Variants in OTOP1 observed in about 807,000 individuals in gnomAD.
OTOP1 encodes proton channel OTOP1.
A neutral mutation model predicts 52.9 loss-of-function variants in OTOP1; 59 were observed. The observed-to-expected ratio is 1.12, with a 90% CI of 0.91 to 1.39. The LOEUF is 1.39. OTOP1 is among the 40% of genes most tolerant of loss of function. The pLI is 0.00. For missense variants in OTOP1, 761 were observed against 800.9 expected (o/e 0.95, Z 0.60); for synonymous variants, 317 against 337.7 (o/e 0.94, Z 0.67).
Position 4,226,457 on chromosome 4 carries a change from C to G in OTOP1, c.403+5G>C. On this transcript the variant is annotated splice_donor_5th_base_variant and intron_variant, in intron 1 of 5. Transcript: ENST00000296358. ...GAGACCCGCTCGCCCGGCGCCTGGA[C>G]TCACCGCGCAGCCAGCCGGCACCCG... The G allele has an allele frequency of 1.4e-6, 2 of 1,476,280 alleles. No individual in the cohort carries two copies. Among genetic ancestry groups the G allele is most frequent in the Non-Finnish European group, 1.8e-6 (2 of 1,120,038 alleles). 91.4% of individuals were successfully genotyped at this position (1,476,280 alleles called of 1,614,324 possible).
chr4:4,193,300 G>A (rs912878044), intron 5 of OTOP1, among the ~76,000 whole-genome samples: 2 of 152,050 alleles, frequency 1.3e-5, no homozygotes, highest in African/African-American at 4.8e-5. Flanking sequence ...CCATTCCTTA[G>A]AAGAGGACTT....
At chr4:4,191,612 C>T (rs186354231) in intron 5 of OTOP1, among the ~76,000 whole-genome samples, 194 of 152,324 alleles carry the variant, frequency 1.3e-3, no homozygotes, top group Non-Finnish European at 1.6e-4. Flanking sequence ...GCGTGGCCAG[C>T]CCCTCCTTGT....
chr4:4,215,443 C>A (rs1717120479), intron 1 of OTOP1, among the ~76,000 whole-genome samples: 1 of 152,084 alleles, frequency 6.6e-6, no homozygotes, highest in Non-Finnish European at 1.5e-5. Flanking sequence ...GGGTGGATCA[C>A]CTGAGGTTGG....
chr4:4,200,390 G>C (rs1484045217), intron 4 of OTOP1, among the ~76,000 whole-genome samples: 1 of 151,322 alleles, frequency 6.6e-6, no homozygotes, highest in African/African-American at 2.4e-5. Flanking sequence ...CAGGAGAATA[G>C]TGTGACTCCC....
intron 4 of OTOP1, 89 bp downstream of exon 4, chr4:4,202,359 T>C: frequency 6.3e-7 from 1 of 1,577,942 alleles, no homozygotes; most frequent in Admixed American, 1.7e-5. Context: ...CTTTGGAACC[T>C]GCACTCCATC....
In OTOP1 at chr4:4,222,560, GT is replaced by G. The variant is rs531601214; in HGVS notation, c.403+3901del. On this transcript the variant is annotated intron_variant, in intron 1 of 5. Coordinates refer to ENST00000296358, the MANE Select transcript of OTOP1 (RefSeq NM_177998.3). Reference sequence around the variant, plus strand: ...TTGGCAGCCACATTCGCTTGTTTGTGTTGAAATCATGACACTATGTCTATAT... The same window carrying G: ...TTGGCAGCCACATTCGCTTGTTTGTGTGAAATCATGACACTATGTCTATAT... Among the ~76,000 whole-genome samples, 3 of 152,278 alleles carry G rather than the reference GT, an allele frequency of 2.0e-5. No homozygotes were observed. In the South Asian group the frequency reaches 6.2e-4, roughly 32 times the overall value.
intron 5 of OTOP1, among the ~76,000 whole-genome samples, chr4:4,189,549 G>A (rs2108793713): frequency 6.6e-6 from 1 of 152,254 alleles, no homozygotes; most frequent in Middle Eastern, 3.4e-3. Flanking sequence ...CTGATCCCCA[G>A]CTCCTGCAGT....
intron 1 of OTOP1, among the ~76,000 whole-genome samples, chr4:4,223,444 T>TGGAC (rs150969457): frequency 7.3e-6 from 1 of 137,198 alleles, no homozygotes; most frequent in Non-Finnish European, 1.6e-5. Flanking sequence ...GATGGATGGA[T>TGGAC]GATGAATAAG....
intron 1 of OTOP1, among the ~76,000 whole-genome samples, chr4:4,220,105 A>ATATATATTTT (rs1434375771): frequency 3.4e-4 from 20 of 59,392 alleles, no homozygotes; most frequent in African/African-American, 1.0e-3. Flanking sequence ...ATATATATAT[A>ATATATATTTT]TTTTTTTTTT....
chr4:4,212,881 T>G lies in OTOP1; in HGVS notation c.527A>C (p.His176Pro). Reference protein sequence around the residue: ...EGVFPVTHSVHTLLQVYFLWG... With the variant: ...EGVFPVTHSVPTLLQVYFLWG... The stretch of plus-strand genomic sequence containing the variant: ...TCAGTGGTTTACCTGCAACAAAGTA[T>G]GCACTGAATGGGTGACTGGGAAAAC... Residue 176 changes from histidine to proline, a missense_variant, in exon 2 of 6, where the codon CAT becomes CCT. Around this residue, in one of 3 missense-constraint regions of OTOP1, gnomAD observed 632 missense variants for 619.5 expected, o/e 1.02. Coordinates refer to ENST00000296358, the MANE Select transcript of OTOP1 (RefSeq NM_177998.3). 6.2e-7 allele frequency: 1 copy of G among 1,614,080 alleles called. No homozygotes were observed. Among genetic ancestry groups the G allele is most frequent in the Non-Finnish European group, 8.5e-7 (1 of 1,179,920 alleles).
intron 2 of OTOP1, among the ~76,000 whole-genome samples, chr4:4,210,270 T>C (rs1260675191): frequency 1.3e-5 from 2 of 152,216 alleles, no homozygotes; most frequent in Non-Finnish European, 1.5e-5. Flanking sequence ...TGTATCACTA[T>C]AAGGCTCTGT....
At chr4:4,213,661 C>A (rs1007148162) in intron 1 of OTOP1, among the ~76,000 whole-genome samples, 1 of 152,006 alleles carries the variant, frequency 6.6e-6, no homozygotes, top group Non-Finnish European at 1.5e-5. Context: ...CTTTTTAAGC[C>A]GAATAATATT....
chr4:4,206,536 A>C (rs1221275077), intron 2 of OTOP1, among the ~76,000 whole-genome samples: 1 of 152,240 alleles, frequency 6.6e-6, no homozygotes, highest in Non-Finnish European at 1.5e-5. Context: ...AGTGGCCAGA[A>C]AGGAAATGTT....
intron 3 of OTOP1, among the ~76,000 whole-genome samples, chr4:4,203,130 G>A (rs960867900): frequency 1.3e-5 from 2 of 152,252 alleles, no homozygotes; most frequent in African/African-American, 4.8e-5. Context: ...AGTGAGATAT[G>A]AGCTTTAGTC....
intron 4 of OTOP1, among the ~76,000 whole-genome samples, chr4:4,199,243 A>AGTGT (rs1716723795): frequency 2.9e-5 from 2 of 69,094 alleles, no homozygotes; most frequent in South Asian, 1.1e-3. Flanking sequence ...TGAGAGAGAG[A>AGTGT]GAGAGAGAGA....
At chr4:4,201,988 G>GT in intron 4 of OTOP1, among the ~76,000 whole-genome samples, 1 of 152,156 alleles carries the variant, frequency 6.6e-6, no homozygotes, top group Non-Finnish European at 1.5e-5. Flanking sequence ...AGCCAATACA[G>GT]TTAAATTAAA....
Position 4,205,393 on chromosome 4 carries a change from G to A in OTOP1, c.599+679C>T, listed in dbSNP as rs4146940. 1.1e-3 allele frequency among the ~76,000 whole-genome samples: 166 copies of A among 152,316 alleles called. 3 individuals carry two copies. In the East Asian group the frequency reaches 0.029, roughly 27 times the overall value. ...TGCGCCTGCCTGAAGGCAGGATGGC[G>A]ATTCACAAAAACAAAAGATCTTGCT... On this transcript the variant is annotated intron_variant, in intron 3 of 5. Transcript: ENST00000296358.
Position 4,216,892 on chromosome 4 carries a change from C to T in OTOP1, c.404-3888G>A, listed in dbSNP as rs540381787. 2.0e-5 allele frequency among the ~76,000 whole-genome samples: 3 copies of T among 152,324 alleles called. No homozygotes were observed. In the East Asian group the frequency reaches 5.8e-4, roughly 29 times the overall value. On this transcript the variant is annotated intron_variant, in intron 1 of 5. Transcript: ENST00000296358. Reference sequence around the variant, plus strand: ...ACAGCAGTGGTTCTCAAACTGGAGACTGCATCAGAATCAGCTGCAGTGCTT... The same window carrying T: ...ACAGCAGTGGTTCTCAAACTGGAGATTGCATCAGAATCAGCTGCAGTGCTT...
intron 4 of OTOP1, among the ~76,000 whole-genome samples, chr4:4,200,187 A>G (rs1335994367): frequency 6.6e-6 from 1 of 152,164 alleles, no homozygotes; most frequent in Non-Finnish European, 1.5e-5. Context: ...TGATATGTAT[A>G]TATTACTTAT....
Sources: allele counts gnomAD v4.1 joint callset (sites outside exome capture counted in the v4.1 genomes callset), GRCh38; gene constraint gnomAD v4.1.1; regional missense constraint gnomAD v4.1.1; transcripts MANE v1.5; gene names NCBI Gene and HGNC (gene_info 2026-07-23, HGNC 2026-07-21).